CTTNBP2: variants seen among roughly 807,000 people sequenced by gnomAD.
The protein encoded by CTTNBP2 is cortactin binding protein 2.
In CTTNBP2, 108 loss-of-function variants were observed where a neutral mutation model predicts 156.9. The ratio of observed to expected loss-of-function variants is 0.69; its 90% CI spans 0.59 to 0.81. CTTNBP2 has a LOEUF of 0.81. CTTNBP2 is among the 30% of genes least tolerant of loss of function. The pLI is 0.00. For synonymous variants in CTTNBP2, 767 were observed against 751.8 expected (o/e 1.02, Z -0.33); for missense variants, 1,924 against 2,035.4 (o/e 0.95, Z 1.05).
intron 2 of CTTNBP2, among the ~76,000 whole-genome samples, chr7:117,847,819 CTTTTTTTT>C (rs201419286): frequency 2.5e-4 from 23 of 91,354 alleles, no homozygotes; most frequent in African/African-American, 1.0e-3. Flanking sequence ...TTTGCCTAAC[CTTTTTTTT>C]TTTTTTTTTT....
intron 3 of CTTNBP2, among the ~76,000 whole-genome samples, chr7:117,806,434 T>C (rs1208400732): frequency 1.3e-5 from 2 of 152,158 alleles, no homozygotes; most frequent in African/African-American, 4.8e-5. Flanking sequence ...CTTACGACAT[T>C]TAACCATACT....
chr7:117,734,453 T>C (rs995422668), intron 16 of CTTNBP2, among the ~76,000 whole-genome samples: 1 of 152,228 alleles, frequency 6.6e-6, no homozygotes. Flanking sequence ...TGTTATTCTG[T>C]GAAAGTCACT....
chr7:117,719,452 T>A, intron 21 of CTTNBP2, 52 bp downstream of exon 21: 1 of 1,528,314 alleles, frequency 6.5e-7, no homozygotes, highest in South Asian at 1.3e-5. Context: ...CCCCCAAAAG[T>A]CTCCCAGCTG....
chr7:117,739,689 C>T (rs1795892647), intron 14 of CTTNBP2, among the ~76,000 whole-genome samples: 1 of 152,198 alleles, frequency 6.6e-6, no homozygotes, highest in African/African-American at 2.4e-5. Flanking sequence ...AGTCTATTAT[C>T]TCCCCTTTCA....
chr7:117,726,658 AAAC>A (rs769864698), intron 17 of CTTNBP2, among the ~76,000 whole-genome samples: 19 of 152,210 alleles, frequency 1.2e-4, no homozygotes, highest in Middle Eastern at 3.2e-3. Flanking sequence ...AGGATAATAA[AAAC>A]AACATCTTCC....
intron 1 of CTTNBP2, among the ~76,000 whole-genome samples, chr7:117,865,671 C>CAAAAAA (rs61533705): frequency 1.3e-5 from 1 of 74,476 alleles, no homozygotes; most frequent in Non-Finnish European, 2.6e-5. Context: ...ACTCCATCTC[C>CAAAAAA]AAAAAAAAAA....
At chr7:117,759,801 T>G (rs2116644999) in intron 10 of CTTNBP2, among the ~76,000 whole-genome samples, 1 of 152,312 alleles carries the variant, frequency 6.6e-6, no homozygotes, top group Non-Finnish European at 1.5e-5. Context: ...AGGGGCAGAT[T>G]TCCCATAGAA....
chr7:117,859,282 A>G (rs918207751), intron 2 of CTTNBP2, among the ~76,000 whole-genome samples: 1 of 152,212 alleles, frequency 6.6e-6, no homozygotes, highest in African/African-American at 2.4e-5. Context: ...TCTATGAAAA[A>G]TGTTCATTCG....
intron 16 of CTTNBP2, among the ~76,000 whole-genome samples, chr7:117,733,777 C>T (rs1293989628): frequency 6.6e-6 from 1 of 152,182 alleles, no homozygotes; most frequent in African/African-American, 2.4e-5. Context: ...ACACTTCTCC[C>T]CGCCACCATC....
At chr7:117,852,903 G>T (rs1392756476) in intron 2 of CTTNBP2, among the ~76,000 whole-genome samples, 1 of 152,248 alleles carries the variant, frequency 6.6e-6, no homozygotes, top group East Asian at 1.9e-4. Context: ...GCCTTTGGGG[G>T]AGAGACATGG....
intron 3 of CTTNBP2, among the ~76,000 whole-genome samples, chr7:117,802,437 C>CAAAAAAAAAAAAAAAAAA (rs759797673): frequency 4.8e-5 from 4 of 83,770 alleles, no homozygotes; most frequent in Non-Finnish European, 1.2e-4. Flanking sequence ...TCAGCATTGG[C>CAAAAAAAAAAAAAAAAAA]AAAAAAAAAA....
intron 2 of CTTNBP2, among the ~76,000 whole-genome samples, chr7:117,832,691 G>A (rs921067627): frequency 6.8e-6 from 1 of 146,588 alleles, no homozygotes; most frequent in African/African-American, 2.5e-5. Context: ...AATTCTTAGA[G>A]ACAGCAAATG....
intron 2 of CTTNBP2, among the ~76,000 whole-genome samples, chr7:117,827,240 T>C (rs902141616): frequency 6.6e-6 from 1 of 152,294 alleles, no homozygotes; most frequent in South Asian, 2.1e-4. Flanking sequence ...GAAGCAATCA[T>C]CATGTTGTGG....
At chr7:117,838,076 T>C (rs1228963535) in intron 2 of CTTNBP2, among the ~76,000 whole-genome samples, 2 of 152,198 alleles carry the variant, frequency 1.3e-5, no homozygotes, top group African/African-American at 2.4e-5. Context: ...TGACCATAGA[T>C]AAGTGAAACA....
At chr7:117,737,996 A>T (rs1274779045) in intron 14 of CTTNBP2, among the ~76,000 whole-genome samples, 2 of 152,230 alleles carry the variant, frequency 1.3e-5, no homozygotes, top group Non-Finnish European at 2.9e-5. Context: ...AAGCGTCATC[A>T]TGGTGAGCTA....
chr7:117,749,709 ATTTTTTT>A (rs201077485), intron 12 of CTTNBP2, among the ~76,000 whole-genome samples: 1 of 149,596 alleles, frequency 6.7e-6, no homozygotes, highest in African/African-American at 2.5e-5. Flanking sequence ...ATCTTTTTTT[ATTTTTTT>A]TTTAATCACC....
In CTTNBP2 at chr7:117,792,896, C is replaced by A; in HGVS notation, c.415-115G>T. The A allele has an allele frequency of 1.6e-6, 1 of 637,942 alleles. No individual in the cohort carries two copies. 39.5% of individuals were successfully genotyped at this position (637,942 alleles called of 1,614,324 possible). Reference sequence around the variant, plus strand: ...CTAACAATTACATAACTCGGGTTAGCAAAAACGCCACATTTTCAAAAAGTG... The same window carrying A: ...CTAACAATTACATAACTCGGGTTAGAAAAAACGCCACATTTTCAAAAAGTG... On this transcript the variant is annotated intron_variant, in intron 3 of 22. Transcript: ENST00000160373. This position sits in a 1 kb window ranked among gnomAD's most constrained non-coding sequence, Gnocchi z 4.2.
At chr7:117,814,543 T>A (rs1461532509) in intron 2 of CTTNBP2, among the ~76,000 whole-genome samples, 1 of 152,144 alleles carries the variant, frequency 6.6e-6, no homozygotes, top group Admixed American at 6.6e-5. Context: ...TTCCCACACC[T>A]CAGCTTCCCG....
chr7:117,792,214 C>T lies in CTTNBP2; in HGVS notation c.982G>A (p.Val328Ile), dbSNP rs1425780862. The T allele has an allele frequency of 3.1e-6, 5 of 1,614,222 alleles. No individual in the cohort carries two copies. The highest frequency in any genetic ancestry group is 4.2e-6 in the Non-Finnish European group (5 of 1,180,040). The change falls in exon 4 of 23, where the codon GTA (valine) becomes ATA (isoleucine). Residue 328 changes from valine (V) to isoleucine (I), a missense_variant. By Grantham distance (29) the Val-to-Ile change is conservative (BLOSUM62 3). Transcript: ENST00000160373. The surrounding 1 kb of genome is among the most constrained non-coding windows in gnomAD (Gnocchi z 4.2). ...HMKKLPLTMP[V>I]KPSTGSPLVS... is the part of the protein sequence containing the mutation. ...AGGGGACTCCCTGTGGAAGGTTTTA[C>T]AGGCATGGTTAAAGGCAACTTTTTC... is the stretch of plus-strand genomic sequence containing the variant.
Sources: allele counts gnomAD v4.1 joint callset (sites outside exome capture counted in the v4.1 genomes callset), GRCh38; gene constraint gnomAD v4.1.1; non-coding constraint Gnocchi (gnomAD v3.1); transcripts MANE v1.5; gene names NCBI Gene and HGNC (gene_info 2026-07-23, HGNC 2026-07-21).